ALG13: variants seen among roughly 807,000 people sequenced by gnomAD.
ALG13 encodes UDP-N-acetylglucosamine transferase subunit ALG13.
Under a neutral mutation model 87.8 loss-of-function variants are expected in ALG13, and 11 were observed. The observed-to-expected ratio is 0.13, with a 90% CI of 0.08 to 0.21. The LOEUF is 0.21. Ranked by LOEUF, ALG13 falls within the 10% of genes least tolerant of loss-of-function variation. The pLI, the probability that ALG13 is intolerant of heterozygous loss-of-function variation, is 1.00. For missense variants in ALG13, 756 were observed against 866.1 expected, an observed-to-expected ratio of 0.87 and a Z score of 1.60; for synonymous variants, 320 against 306.3, an observed-to-expected ratio of 1.04 and a Z score of -0.47.
rs751630865 is a variant in ALG13, at chrX:111,727,393, G to A, written c.2038G>A (p.Gly680Ser). Residue 680 changes from glycine to serine, a missense_variant, in exon 17 of 27, where the codon GGC becomes AGC. Gly to Ser is a moderately conservative substitution (Grantham distance 56). Around this residue, in one of 9 missense-constraint regions of ALG13, gnomAD observed 362 missense variants for 383.5 expected, o/e 0.94. Transcript: ENST00000394780. ...GGGCCCTAAAGTTGATTTTTACCCA[G>A]GCCCAGGTAAAAGGTGCTGCCAGAG... ...MPGPKVDFYP[G>S]PGKRCCQSYD... The A allele has an allele frequency of 1.1e-5, 13 of 1,207,970 alleles. No homozygotes were observed. Among genetic ancestry groups the A allele is most frequent in the African/African-American group, 1.8e-5 (1 of 56,870 alleles).
chrX:111,754,090 TCATC>T (rs1945008298), intron 25 of ALG13, among the ~76,000 whole-genome samples: 1 of 111,916 alleles, frequency 8.9e-6, no homozygotes, highest in African/African-American at 3.3e-5. Context: ...CAAGTTGGCT[TCATC>T]CCTGGGATGC....
chrX:111,737,489 G>A (rs1461203037), intron 23 of ALG13, among the ~76,000 whole-genome samples: 1 of 111,564 alleles, frequency 9.0e-6, no homozygotes, highest in Non-Finnish European at 1.9e-5. Context: ...AACAGCATTA[G>A]CTTTTCTGAG....
intron 3 of ALG13, among the ~76,000 whole-genome samples, chrX:111,690,700 C>T (rs928671333): frequency 3.9e-4 from 43 of 110,265 alleles, no homozygotes; most frequent in Non-Finnish European, 6.4e-4. Context: ...GCAATCCGCC[C>T]GCCTCGGCCT....
At chrX:111,732,933 CT>C (rs905666485) in intron 21 of ALG13, among the ~76,000 whole-genome samples, 9 of 111,093 alleles carry the variant, frequency 8.1e-5, no homozygotes, top group African/African-American at 2.9e-4. Flanking sequence ...GACAAGAATA[CT>C]TTTTTTCTGT....
At chrX:111,739,558 A>G (rs1015051166) in intron 23 of ALG13, among the ~76,000 whole-genome samples, 2 of 112,837 alleles carry the variant, frequency 1.8e-5, no homozygotes, top group African/African-American at 6.4e-5. Flanking sequence ...GAGAAATACA[A>G]TGATAATCAT....
rs138712375 is a variant in ALG13 at position 111,736,790 on chromosome X, C to T, written c.2606C>T (p.Ala869Val). ...GCTCCAGTCTTATCTAACGGTGCAG[C>T]GGCTAATCAAGCTATTAGTACCACT... The part of the protein sequence containing the change: ...VPAPVLSNGA[A>V]ANQAISTTSV... The change falls in exon 23 of 27, where the codon GCG (alanine) becomes GTG (valine). Residue 869 changes from alanine (A) to valine (V), a missense_variant. Physicochemically the swap from Ala to Val is moderately conservative, Grantham distance 64. Transcript: ENST00000394780. The T allele has an allele frequency of 7.9e-5, 96 of 1,208,308 alleles. No individual in the cohort carries two copies. The highest frequency in any genetic ancestry group is 7.0e-4 in the African/African-American group (40 of 57,076).
At chrX:111,713,129 G>A in intron 7 of ALG13, 96 bp from the exon 8 acceptor site, 1 of 530,614 alleles carries the variant, frequency 1.9e-6, no homozygotes, top group Non-Finnish European at 3.2e-6. Flanking sequence ...ATATGAATAA[G>A]GTAGGCAACT....
At chrX:111,726,239 T>TTG (rs1424700848) in intron 15 of ALG13, among the ~76,000 whole-genome samples, 1 of 97,537 alleles carries the variant, frequency 1.0e-5, no homozygotes, top group African/African-American at 3.9e-5. Flanking sequence ...TTTGTTTTTT[T>TTG]TTTTTTTTTT....
chrX:111,728,249 A>G lies in ALG13; in HGVS notation c.2312A>G (p.His771Arg), dbSNP rs756114101. The G allele has an allele frequency of 1.3e-5, 16 of 1,210,059 alleles. No homozygotes were observed. The highest frequency in any genetic ancestry group is 1.8e-5 in the Non-Finnish European group (16 of 895,119). Residue 771 changes from histidine (H) to arginine (R), a missense_variant, in exon 19 of 27, where the codon CAT becomes CGT. His to Arg is a conservative substitution (Grantham distance 29). This residue lies in a region of ALG13 where 362 missense variants were observed against 383.5 expected (regional missense o/e 0.94). Transcript: ENST00000394780. ...TSGYCVGRRGHSSGKQTLNLE... is the reference protein window; with the variant it reads ...TSGYCVGRRGRSSGKQTLNLE... ...GGATACTGTGTTGGAAGGCGGGGAC[A>G]TAGCTCAGGCAAACAGACTTTGAAT...
intron 23 of ALG13, among the ~76,000 whole-genome samples, chrX:111,740,717 A>G (rs772189752): frequency 9.0e-6 from 1 of 111,531 alleles, no homozygotes; most frequent in African/African-American, 3.3e-5. Context: ...CCAAAGATGG[A>G]ACAATTTGAG....
intron 23 of ALG13, among the ~76,000 whole-genome samples, chrX:111,741,651 A>G (rs978856725): frequency 9.1e-6 from 1 of 110,297 alleles, no homozygotes; most frequent in Admixed American, 9.7e-5. Flanking sequence ...CATCTCTACT[A>G]AAAATACAAA....
rs1943296697 is a variant in ALG13 at position 111,736,878 on chromosome X, A to G, written c.2694A>G (p.Pro898=). 1 of 1,199,744 alleles carries G rather than the reference A, an allele frequency of 8.3e-7. No homozygotes were observed. The highest frequency in any genetic ancestry group is 1.1e-6 in the Non-Finnish European group (1 of 889,831). Residue 898 remains proline, a splice_region_variant and synonymous_variant, in exon 23 of 27, where the codon CCA becomes CCG. Transcript: ENST00000394780. ...TATCTCCACCTACACACGGCAGGCCAGGTAGGTTATTAGCAGATGCTTACT... is the reference window on the plus strand; with the variant it reads ...TATCTCCACCTACACACGGCAGGCCGGGTAGGTTATTAGCAGATGCTTACT... ...LFVSPPTHGR[P]VIASPSYPCH...
intron 25 of ALG13, among the ~76,000 whole-genome samples, chrX:111,755,407 A>AAAC (rs774402675): frequency 8.9e-6 from 1 of 112,377 alleles, no homozygotes; most frequent in African/African-American, 3.2e-5. Flanking sequence ...AAGCAATGGC[A>AAAC]ACAAAAGCAA....
chrX:111,713,371 C>A (rs1940104280), intron 8 of ALG13, 74 bp downstream of exon 8: 5 of 655,785 alleles, frequency 7.6e-6, no homozygotes, highest in South Asian at 2.6e-5. Flanking sequence ...GATATTAAAT[C>A]ATTTTTAACC....
chrX:111,749,890 C>T (rs1944563253), intron 24 of ALG13, among the ~76,000 whole-genome samples: 1 of 111,526 alleles, frequency 9.0e-6, no homozygotes, highest in Non-Finnish European at 1.9e-5. Flanking sequence ...TAGGTCATGC[C>T]TTTATCACCT....
chrX:111,689,794 T>C (rs778202475), intron 3 of ALG13: 12 of 751,014 alleles, frequency 1.6e-5, no homozygotes, highest in Non-Finnish European at 1.9e-5. Context: ...TGTTGTAAGC[T>C]TTTTGTTTCT....
At chrX:111,734,950 T>A in intron 21 of ALG13, 101 bp from the exon 22 acceptor site, 1 of 566,788 alleles carries the variant, frequency 1.8e-6, no homozygotes, top group Non-Finnish European at 2.8e-6. Context: ...AAATTTGAAT[T>A]TTTTCAGGAC....
intron 3 of ALG13, among the ~76,000 whole-genome samples, chrX:111,700,421 AG>A: frequency 9.0e-6 from 1 of 110,814 alleles, no homozygotes; most frequent in Admixed American, 9.6e-5. Flanking sequence ...AAGTGGTGAG[AG>A]GGGGCATCCT....
rs989627577 is a variant in ALG13 at position 111,681,905 on chromosome X, C to T, written c.82-227C>T. On this transcript the variant is annotated intron_variant, in intron 1 of 26. Transcript: ENST00000394780. Reference sequence around the variant, plus strand: ...CAAAGTCTTTTCCTGCTGTGGCTTTCGCGGGACTCTGCGAGCTGGGTCGCT... The same window carrying T: ...CAAAGTCTTTTCCTGCTGTGGCTTTTGCGGGACTCTGCGAGCTGGGTCGCT... 7 of 910,256 alleles carry T rather than the reference C, an allele frequency of 7.7e-6. No individual in the cohort carries two copies. The African/African-American group carries it at 1.5e-4, about 19-fold the overall frequency. The allele number at this position is 910,256 out of a possible 1,213,427, so 75.0% of individuals were successfully genotyped here. A position where few individuals can be genotyped will look rare whatever the true frequency, so the allele number is the denominator to read the frequency against.
Sources: gnomAD v4.1 joint callset for allele counts (sites outside exome capture counted in the v4.1 genomes callset) on GRCh38, gnomAD v4.1.1 for gene constraint, gnomAD v4.1.1 regional missense constraint, MANE v1.5 for transcripts, NCBI Gene and HGNC (gene_info 2026-07-23, HGNC 2026-07-21) for gene names.